Variants in ALCAM observed in about 807,000 individuals in gnomAD.
The protein encoded by ALCAM is activated leukocyte cell adhesion molecule.
Under a neutral mutation model 70.9 loss-of-function variants are expected in ALCAM, and 30 were observed. The ratio of observed to expected loss-of-function variants is 0.42; its 90% CI spans 0.32 to 0.57. The LOEUF is 0.57. Among genes scored for constraint, ALCAM ranks in the 20% least tolerant of loss-of-function variants. The pLI, the probability that ALCAM is intolerant of heterozygous loss-of-function variation, is 0.11. For missense variants in ALCAM, 591 were observed against 695.1 expected (o/e 0.85, Z 1.68); for synonymous variants, 249 against 242.5 (o/e 1.03, Z -0.25).
At chr3:105,377,471 C>T (rs1012044962) in intron 1 of ALCAM, among the ~76,000 whole-genome samples, 2 of 151,940 alleles carry the variant, frequency 1.3e-5, no homozygotes, top group African/African-American at 4.8e-5. Flanking sequence ...TAAGATAATG[C>T]CTTTCTTAAA....
intron 1 of ALCAM, among the ~76,000 whole-genome samples, chr3:105,465,004 G>C (rs1165658386): frequency 6.6e-6 from 1 of 151,236 alleles, no homozygotes; most frequent in African/African-American, 2.4e-5. Context: ...AATTGGCTTT[G>C]TCTGAATTTC....
At chr3:105,480,389 A>ATAAC (rs1938238589) in intron 1 of ALCAM, among the ~76,000 whole-genome samples, 1 of 151,020 alleles carries the variant, frequency 6.6e-6, no homozygotes, top group Admixed American at 6.6e-5. Flanking sequence ...AAATAAATAA[A>ATAAC]TTGCTGCTCT....
intron 1 of ALCAM, among the ~76,000 whole-genome samples, chr3:105,479,237 A>G (rs1239594385): frequency 6.6e-6 from 1 of 152,162 alleles, no homozygotes; most frequent in African/African-American, 2.4e-5. Context: ...TTTATGACTT[A>G]TGGTAATTTT....
rs1553716633 is a variant in ALCAM at position 105,368,265 on chromosome 3, A to AGAGAGAGAGAGAG, written c.73+784_73+785insGAGAGAGAGAGAG. 4.4e-3 allele frequency among the ~76,000 whole-genome samples: 115 copies of AGAGAGAGAGAGAG among 25,898 alleles called. 2 individuals are homozygous for AGAGAGAGAGAGAG. Among genetic ancestry groups the AGAGAGAGAGAGAG allele is most frequent in the South Asian group, 0.016 (8 of 496 alleles). The allele number at this position is 25,898 out of a possible 152,430, so 17.0% of individuals were successfully genotyped here. The stretch of plus-strand genomic sequence containing the variant: ...AGAGAGAGAGAGAGAGAGAGAGAGA[A>AGAGAGAGAGAGAG]AAGGCAAAATTCCCAACAACTAAAA... On this transcript the variant is annotated intron_variant, in intron 1 of 15. Coordinates refer to ENST00000306107, the MANE Select transcript of ALCAM (RefSeq NM_001627.4).
At chr3:105,450,887 G>GA (rs890663192) in intron 1 of ALCAM, among the ~76,000 whole-genome samples, 8 of 151,600 alleles carry the variant, frequency 5.3e-5, no homozygotes, top group Non-Finnish European at 8.8e-5. Context: ...TATATTTGGA[G>GA]AAAAAAAATA....
chr3:105,443,651 TTA>T (rs1396780013), intron 1 of ALCAM, among the ~76,000 whole-genome samples: 1 of 152,214 alleles, frequency 6.6e-6, no homozygotes, highest in Non-Finnish European at 1.5e-5. Flanking sequence ...TAGGCACATC[TTA>T]TTAAACAATG....
At chr3:105,398,105 T>A (rs1355065421) in intron 1 of ALCAM, among the ~76,000 whole-genome samples, 2 of 152,138 alleles carry the variant, frequency 1.3e-5, no homozygotes, top group Non-Finnish European at 2.9e-5. Flanking sequence ...CAGTTTCAGA[T>A]TCAGTATTTC....
chr3:105,509,277 G>C (rs1939169499), intron 1 of ALCAM, among the ~76,000 whole-genome samples: 1 of 151,860 alleles, frequency 6.6e-6, no homozygotes, highest in Admixed American at 6.6e-5. Flanking sequence ...AACTTTTTGA[G>C]GAACCTTCAC....
intron 1 of ALCAM, among the ~76,000 whole-genome samples, chr3:105,385,966 G>C (rs563439106): frequency 1.5e-4 from 23 of 151,688 alleles, no homozygotes; most frequent in African/African-American, 4.6e-4. Context: ...AACTGAACCA[G>C]TGAGAATCTA....
chr3:105,454,236 T>C (rs1328653998), intron 1 of ALCAM, among the ~76,000 whole-genome samples: 1 of 152,208 alleles, frequency 6.6e-6, no homozygotes, highest in Non-Finnish European at 1.5e-5. Context: ...TCTTCTTAAT[T>C]TATTCATATC....
chr3:105,427,685 G>T (rs114678842), intron 1 of ALCAM, among the ~76,000 whole-genome samples: 425 of 151,932 alleles, frequency 2.8e-3, no homozygotes, highest in Non-Finnish European at 5.2e-3. Flanking sequence ...TTTACTCTGT[G>T]AAATTGTAGG....
chr3:105,470,114 TATG>T (rs1399793921), intron 1 of ALCAM, among the ~76,000 whole-genome samples: 1 of 132,228 alleles, frequency 7.6e-6, no homozygotes, highest in Non-Finnish European at 1.6e-5. Flanking sequence ...TATGTGTGTG[TATG>T]ATATGTTATA....
chr3:105,472,968 C>T (rs1453729313), intron 1 of ALCAM, among the ~76,000 whole-genome samples: 1 of 151,308 alleles, frequency 6.6e-6, no homozygotes, highest in East Asian at 1.9e-4. Context: ...AAGGTGGGCC[C>T]ATAGTAATTT....
rs78973907 is a variant in ALCAM at position 105,515,963 on chromosome 3, T to C, written c.74-4104T>C. Among the ~76,000 whole-genome samples, 215 of 152,208 alleles carry C rather than the reference T, an allele frequency of 1.4e-3. 1 individual carries two copies. Among genetic ancestry groups the C allele is most frequent in the Non-Finnish European group, 2.6e-3 (176 of 67,948 alleles). ...TTGTGAAACCGGCATTTAGTTCTTA[T>C]AAGTTCTGAGTCCATTGTAGTTGCA... On this transcript the variant is annotated intron_variant, in intron 1 of 15. Transcript: ENST00000306107.
chr3:105,547,947 G>T (rs1940292160), intron 11 of ALCAM, among the ~76,000 whole-genome samples: 1 of 151,416 alleles, frequency 6.6e-6, no homozygotes, highest in Non-Finnish European at 1.5e-5. Context: ...ATTAAGGGGT[G>T]TTACTTCTTA....
At chr3:105,465,262 C>T (rs1937682721) in intron 1 of ALCAM, among the ~76,000 whole-genome samples, 3 of 151,494 alleles carry the variant, frequency 2.0e-5, no homozygotes, top group Non-Finnish European at 3.0e-5. Context: ...GAAGGTAACA[C>T]GATGTGCAAA....
At chr3:105,460,020 A>G (rs1353539545) in intron 1 of ALCAM, among the ~76,000 whole-genome samples, 1 of 152,100 alleles carries the variant, frequency 6.6e-6, no homozygotes, top group African/African-American at 2.4e-5. Context: ...ACATTAATTC[A>G]AGAAGCATCT....
intron 1 of ALCAM, among the ~76,000 whole-genome samples, chr3:105,374,859 C>T (rs1200969283): frequency 1.3e-5 from 2 of 152,152 alleles, no homozygotes; most frequent in Non-Finnish European, 2.9e-5. Flanking sequence ...TCAGAGGATG[C>T]ACTAGCTGGA....
chr3:105,550,771 A>G (rs946685152), intron 12 of ALCAM, among the ~76,000 whole-genome samples: 3 of 151,602 alleles, frequency 2.0e-5, no homozygotes, highest in African/African-American at 7.3e-5. Context: ...AATCTAGTTT[A>G]CAAAACTGTT....
Sources: allele counts gnomAD v4.1 joint callset (sites outside exome capture counted in the v4.1 genomes callset), GRCh38; gene constraint gnomAD v4.1.1; transcripts MANE v1.5; gene names NCBI Gene and HGNC (gene_info 2026-07-23, HGNC 2026-07-21).